C4orf51: variants seen among roughly 807,000 people sequenced by gnomAD.
C4orf51 encodes the protein chromosome 4 open reading frame 51.
A neutral mutation model predicts 25.2 loss-of-function variants in C4orf51; 25 were observed. The observed-to-expected ratio is 0.99, with a 90% CI of 0.72 to 1.39. C4orf51 has a LOEUF of 1.39. Ranked by LOEUF, C4orf51 falls within the 40% of genes most tolerant of loss-of-function variation. The pLI, the probability that C4orf51 is intolerant of heterozygous loss-of-function variation, is 0.00. For synonymous variants in C4orf51, 100 were observed against 84.5 expected (o/e 1.18, Z -1.01); for missense variants, 252 against 239.6 (o/e 1.05, Z -0.34).
intron 5 of C4orf51, 40 bp from the exon 6 acceptor site, chr4:145,732,413 C>A (rs1464969634): frequency 1.5e-6 from 2 of 1,299,820 alleles, no homozygotes; most frequent in Non-Finnish European, 2.2e-6. Flanking sequence ...GTGACCTTTG[C>A]GGATGAGCGA....
chr4:145,757,455 A>G (rs116512455), downstream of C4orf51, among the ~76,000 whole-genome samples: 2,655 of 152,318 alleles, frequency 0.017, 31 homozygotes, highest in Non-Finnish European at 0.026. Context: ...AGTTTGCATT[A>G]TAACCATCGC....
At chr4:145,766,799 T>C (rs558155498) in intron 1 of C4orf51, among the ~76,000 whole-genome samples, 3 of 152,262 alleles carry the variant, frequency 2.0e-5, no homozygotes, top group Admixed American at 6.5e-5. Flanking sequence ...ACCAGTCAGA[T>C]TGGAAAAACA....
chr4:145,695,423 T>G (rs1035727842), intron 1 of C4orf51, among the ~76,000 whole-genome samples: 2 of 152,234 alleles, frequency 1.3e-5, no homozygotes, highest in Non-Finnish European at 1.5e-5. Context: ...CACTTTTTAA[T>G]GGGATTGTTT....
At chr4:145,772,892 C>A (rs1274830807), downstream of C4orf51, among the ~76,000 whole-genome samples, 1 of 152,152 alleles carries the variant, frequency 6.6e-6, no homozygotes, top group Non-Finnish European at 1.5e-5. Flanking sequence ...GTGGTAATTA[C>A]GAGGTATGTG....
At position 145,745,402 on chromosome 4, in the gene C4orf51, A is replaced by T. The variant is rs752728571; in HGVS notation, n.168-8805A>T. 3.4e-5 allele frequency among the ~76,000 whole-genome samples: 5 copies of T among 147,506 alleles called. No homozygotes were observed. In the Admixed American group the frequency reaches 3.4e-4, roughly 10 times the overall value. ...GAACCCTTCCCAGACTCTGGTAATC[A>T]TTCTTCTACTCTCCATCTCCATGAG... On this transcript the variant is annotated intron_variant and non_coding_transcript_variant, in intron 1 of 1. Coordinates refer to the C4orf51 transcript ENST00000508981.
the C4orf51 span, chr4:145,779,274 A>G: frequency 2.1e-6 from 3 of 1,448,978 alleles, no homozygotes; most frequent in Non-Finnish European, 2.8e-6. Flanking sequence ...CATTCCCAGC[A>G]CTTCCTGTAA....
intron 1 of C4orf51, among the ~76,000 whole-genome samples, chr4:145,769,969 C>T (rs1735995158): frequency 6.6e-6 from 1 of 152,160 alleles, no homozygotes; most frequent in African/African-American, 2.4e-5. Flanking sequence ...AGCACTTCTA[C>T]TTTTAAATTG....
intron 1 of C4orf51, among the ~76,000 whole-genome samples, chr4:145,692,465 T>C (rs1042774757): frequency 1.3e-5 from 2 of 152,222 alleles, no homozygotes; most frequent in African/African-American, 4.8e-5. Context: ...TCAGACCATC[T>C]GCCCCAAATC....
At chr4:145,743,752 G>C (rs1040613558) in intron 1 of C4orf51, among the ~76,000 whole-genome samples, 1 of 152,190 alleles carries the variant, frequency 6.6e-6, no homozygotes, top group Non-Finnish European at 1.5e-5. Flanking sequence ...TACACAAGCT[G>C]TCTTTGTTTG....
intron 2 of C4orf51, 62 bp downstream of exon 2, chr4:145,696,694 C>G: frequency 7.7e-7 from 1 of 1,297,086 alleles, no homozygotes; most frequent in Non-Finnish European, 1.1e-6. Context: ...GTGTTTCTTT[C>G]AGGTTCTTTT....
chr4:145,724,794 G>A (rs1463686112), intron 2 of C4orf51, among the ~76,000 whole-genome samples: 2 of 148,318 alleles, frequency 1.3e-5, no homozygotes, highest in Admixed American at 6.8e-5. Flanking sequence ...TGAGGCAGGA[G>A]GATCCCTTGA....
rs947624021 is a variant in C4orf51 at position 145,760,944 on chromosome 4, G to A, written n.167-10044G>A. On this transcript the variant is annotated intron_variant and non_coding_transcript_variant, in intron 1 of 1. Coordinates refer to the C4orf51 transcript ENST00000510096. Reference sequence around the variant, plus strand: ...AGGGAATGAGATGGGCAAAATCTGAGTTCCGGTACTTGTCAAAGCGCAAAG... The same window carrying A: ...AGGGAATGAGATGGGCAAAATCTGAATTCCGGTACTTGTCAAAGCGCAAAG... 1.3e-5 allele frequency: 16 copies of A among 1,232,740 alleles called. No individual in the cohort carries two copies. In the African/African-American group the frequency reaches 2.4e-4, roughly 18 times the overall value. The allele number at this position is 1,232,740 out of a possible 1,614,324, so 76.4% of individuals were successfully genotyped here.
chr4:145,746,105 A>G (rs1285320632), intron 1 of C4orf51, among the ~76,000 whole-genome samples: 1 of 152,198 alleles, frequency 6.6e-6, no homozygotes, highest in African/African-American at 2.4e-5. Context: ...AACTCCTTAT[A>G]TATTCTGATT....
chr4:145,730,104 A>G (rs114534220), intron 5 of C4orf51, 139 bp downstream of exon 5: 23 of 690,610 alleles, frequency 3.3e-5, no homozygotes, highest in Middle Eastern at 3.7e-4. Context: ...CCTAAGTTAC[A>G]ATCAGGCAAA....
chr4:145,687,253 C>A (rs1374547261), intron 1 of C4orf51, among the ~76,000 whole-genome samples: 1 of 152,188 alleles, frequency 6.6e-6, no homozygotes, highest in African/African-American at 2.4e-5. Context: ...GTTCCCTCCC[C>A]TCTTTGAGTC....
chr4:145,791,371 T>C, the C4orf51 span, among the ~76,000 whole-genome samples: 5 of 152,326 alleles, frequency 3.3e-5, no homozygotes, highest in South Asian at 1.0e-3. Flanking sequence ...CTCCATCTTC[T>C]ACATAGCATC....
intron 2 of C4orf51, among the ~76,000 whole-genome samples, chr4:145,699,767 C>T (rs949876550): frequency 1.3e-5 from 2 of 152,060 alleles, no homozygotes; most frequent in Non-Finnish European, 2.9e-5. Context: ...TACGCCAACA[C>T]CTTCTCTCCT....
At chr4:145,728,092 G>A (rs1172492052) in intron 3 of C4orf51, among the ~76,000 whole-genome samples, 2 of 144,520 alleles carry the variant, frequency 1.4e-5, no homozygotes, top group African/African-American at 5.1e-5. Context: ...GGCATTTAAG[G>A]TTTTCTAATT....
chr4:145,783,465 C>T, the C4orf51 span, among the ~76,000 whole-genome samples: 1 of 152,214 alleles, frequency 6.6e-6, no homozygotes, highest in Non-Finnish European at 1.5e-5. Context: ...CAGTCCTGAG[C>T]CATACTCCTA....
Sources: gnomAD v4.1 joint callset for allele counts (sites outside exome capture counted in the v4.1 genomes callset) on GRCh38, gnomAD v4.1.1 for gene constraint, MANE v1.5 for transcripts, NCBI Gene and HGNC (gene_info 2026-07-23, HGNC 2026-07-21) for gene names.